GBA2: variants seen among roughly 807,000 people sequenced by gnomAD.
The protein encoded by GBA2 is non-lysosomal glucosylceramidase.
GBA2 carries 79 observed loss-of-function variants against 112.9 expected under a neutral mutation model. The observed-to-expected ratio is 0.70, with a 90% confidence interval of 0.58 to 0.84. The LOEUF is 0.84. Ranked by LOEUF, GBA2 falls within the 40% of genes least tolerant of loss-of-function variation. The pLI is 0.00. For synonymous variants in GBA2, 403 were observed against 434.3 expected, an observed-to-expected ratio of 0.93 and a Z score of 0.90; for missense variants, 1,043 against 1,190.0, an observed-to-expected ratio of 0.88 and a Z score of 1.82.
intron 3 of GBA2, among the ~76,000 whole-genome samples, chr9:35,742,614 T>G (rs1169164227): frequency 6.6e-6 from 1 of 152,216 alleles, no homozygotes; most frequent in Non-Finnish European, 1.5e-5. Context: ...GTAGGGACAT[T>G]TTTTAATTCA....
chr9:35,746,703 A>C lies in GBA2; in HGVS notation c.359+1643T>G, dbSNP rs775250119. On this transcript the variant is annotated intron_variant, in intron 1 of 16. Coordinates refer to ENST00000378103, the MANE Select transcript of GBA2 (RefSeq NM_020944.3). This position sits in a 1 kb window ranked among gnomAD's most constrained non-coding sequence, Gnocchi z 5.2. ...CAGAGAATCCTCTCTGCCAGCTTAGAGAAAACCGGACTTTGAAACTAGAGA... is the reference window on the plus strand; with the variant it reads ...CAGAGAATCCTCTCTGCCAGCTTAGCGAAAACCGGACTTTGAAACTAGAGA... 6.6e-6 allele frequency among the ~76,000 whole-genome samples: 1 copy of C among 152,242 alleles called. No homozygotes were observed. Among genetic ancestry groups the C allele is most frequent in the Non-Finnish European group, 1.5e-5 (1 of 68,040 alleles).
At chr9:35,738,664 G>A (rs747333626) in intron 12 of GBA2, 32 bp from the exon 13 acceptor site, 3 of 1,601,732 alleles carry the variant, frequency 1.9e-6, no homozygotes, top group African/African-American at 2.7e-5. Flanking sequence ...GAAGACCTAG[G>A]TACCGAGGAA....
Position 35,741,173 on chromosome 9 carries a change from T to G in GBA2, c.787-109A>C. The G allele has an allele frequency of 8.5e-7, 1 of 1,178,652 alleles. No individual in the cohort carries two copies. The highest frequency in any genetic ancestry group is 1.4e-5 in the South Asian group (1 of 69,694). The allele number at this position is 1,178,652 out of a possible 1,614,324, so 73.0% of individuals were successfully genotyped here. On this transcript the variant is annotated intron_variant, in intron 4 of 16. Transcript: ENST00000378103. The surrounding 1 kb of genome is among the most constrained non-coding windows in gnomAD (Gnocchi z 4.6). ...AGGACCTGACTCAAATACTCCCCAG[T>G]GTACTCTTCTTTTGTCCACTTGCAT...
rs144576980 is a variant in GBA2, at chr9:35,739,767, G to T, written c.1443C>A (p.Phe481Leu). The T allele has an allele frequency of 2.5e-6, 4 of 1,614,112 alleles. No individual in the cohort carries two copies. Among genetic ancestry groups the T allele is most frequent in the Non-Finnish European group, 3.4e-6 (4 of 1,179,966 alleles). ...CATCAGCCAGGAAGTATAGTTCATTGAACAGCGCAGATTTGTACCAGGCAG... is the reference window on the plus strand; with the variant it reads ...CATCAGCCAGGAAGTATAGTTCATTTAACAGCGCAGATTTGTACCAGGCAG... ...SLPAWYKSALFNELYFLADGG... is the reference protein window; with the variant it reads ...SLPAWYKSALLNELYFLADGG... The change falls in exon 9 of 17, where the codon TTC becomes TTA. Residue 481 changes from phenylalanine to leucine, a missense_variant. Physicochemically the swap from Phe to Leu is conservative, Grantham distance 22. Coordinates refer to ENST00000378103, the MANE Select transcript of GBA2 (RefSeq NM_020944.3).
At position 35,741,923 on chromosome 9, in the gene GBA2, A is replaced by C. The variant is rs1426673750; in HGVS notation, c.568-33T>G. On this transcript the variant is annotated intron_variant, in intron 3 of 16. Transcript: ENST00000378103. This position sits in a 1 kb window ranked among gnomAD's most constrained non-coding sequence, Gnocchi z 4.6. ...GGGCAGATAGGCTGGAACGGGGTAAACCACAGGGACCACAGACTAAGTCTT... is the reference window on the plus strand; with the variant it reads ...GGGCAGATAGGCTGGAACGGGGTAACCCACAGGGACCACAGACTAAGTCTT... 7.3e-7 allele frequency: 1 copy of C among 1,373,074 alleles called. No individual in the cohort carries two copies. The allele number at this position is 1,373,074 out of a possible 1,614,324, so 85.1% of individuals were successfully genotyped here.
Position 35,738,275 on chromosome 9 carries a change from G to C in GBA2, c.2154C>G (p.Ile718Met). 6.2e-7 allele frequency: 1 copy of C among 1,614,136 alleles called. No individual in the cohort carries two copies. The highest frequency in any genetic ancestry group is 8.5e-7 in the Non-Finnish European group (1 of 1,180,026). ...CATAGGCTTCTTGGCCCCGGCTGAG[G>C]ATAGAAGAAAACTTATCCTGGATGT... is the stretch of plus-strand genomic sequence containing the variant. ...AQDIQDKFSSILSRGQEAYER... is the reference protein window; with the variant it reads ...AQDIQDKFSSMLSRGQEAYER... The change falls in exon 14 of 17, where the codon ATC becomes ATG. Residue 718 changes from isoleucine (I) to methionine (M), a missense_variant. Physicochemically the swap from Ile to Met is conservative, Grantham distance 10. Coordinates refer to ENST00000378103, the MANE Select transcript of GBA2 (RefSeq NM_020944.3).
Position 35,749,137 on chromosome 9 carries a change from G to T in GBA2, c.-433C>A. ...CCCCCAGGATTGGGCGCCAGGTCCCGCCGGCCGGCTCCGGGGCAGCGCCCG... is the reference window on the plus strand; with the variant it reads ...CCCCCAGGATTGGGCGCCAGGTCCCTCCGGCCGGCTCCGGGGCAGCGCCCG... On this transcript the variant is annotated 5_prime_UTR_variant, in exon 1 of 17. Coordinates refer to ENST00000378103, the MANE Select transcript of GBA2 (RefSeq NM_020944.3). The surrounding 1 kb of genome is among the most constrained non-coding windows in gnomAD (Gnocchi z 4.4). 3.7e-6 allele frequency: 1 copy of T among 267,334 alleles called. No homozygotes were observed. Among genetic ancestry groups the T allele is most frequent in the African/African-American group, 2.4e-5 (1 of 42,102 alleles). The allele number at this position is 267,334 out of a possible 1,614,324, so 16.6% of individuals were successfully genotyped here.
In GBA2 at chr9:35,737,277, C is replaced by T. The variant is rs1400117507; in HGVS notation, c.2676G>A (p.Gln892=). The stretch of plus-strand genomic sequence containing the variant: ...GCCAGGAGGCCTTTTTGTGCTGCTG[C>T]TGTTGCAGGGCTAGCTGCATGGCCC... ...SIWAMQLALQ[Q]QQHKKASWPK... The change falls in exon 17 of 17, where the codon CAG becomes CAA. Residue 892 remains glutamine (Q), a synonymous_variant. Transcript: ENST00000378103. The surrounding 1 kb of genome is among the most constrained non-coding windows in gnomAD (Gnocchi z 4.1). 6.2e-7 allele frequency: 1 copy of T among 1,614,040 alleles called. No homozygotes were observed. The highest frequency in any genetic ancestry group is 8.5e-7 in the Non-Finnish European group (1 of 1,179,996).
chr9:35,742,008 C>T (rs1588018550), intron 3 of GBA2, 118 bp from the exon 4 acceptor site: 4 of 698,916 alleles, frequency 5.7e-6, no homozygotes, highest in African/African-American at 5.2e-5. Flanking sequence ...ACTGCACCAT[C>T]AGCTTCAAGT....
chr9:35,737,222 T>C lies in GBA2; in HGVS notation c.2731A>G (p.Thr911Ala), dbSNP rs1042641766. ...PKVKQGTGLR[T>A]GPMFGPKEAM... ...TCCTTTGGTCCAAACATAGGCCCTG[T>C]CCTTAGTCCTGTGCCCTGTTTGACT... Residue 911 changes from threonine to alanine, a missense_variant, in exon 17 of 17, where the codon ACA becomes GCA. By Grantham distance (58) the Thr-to-Ala change is moderately conservative. Transcript: ENST00000378103. This position sits in a 1 kb window ranked among gnomAD's most constrained non-coding sequence, Gnocchi z 4.1. The C allele has an allele frequency of 1.2e-6, 2 of 1,612,914 alleles. No individual in the cohort carries two copies. The highest frequency in any genetic ancestry group is 1.7e-6 in the Non-Finnish European group (2 of 1,180,000).
Position 35,740,723 on chromosome 9 carries a change from G to T in GBA2, c.1027-95C>A. 3.2e-6 allele frequency: 5 copies of T among 1,544,950 alleles called. No individual in the cohort carries two copies. The Admixed American group carries it at 8.5e-5, about 26-fold the overall frequency. ...CCTCTTACTTACTCTTAACCTCCCA[G>T]GCCCAGGGGCTTACAGGAGTATGAT... On this transcript the variant is annotated intron_variant, in intron 5 of 16. Coordinates refer to ENST00000378103, the MANE Select transcript of GBA2 (RefSeq NM_020944.3). The surrounding 1 kb of genome is among the most constrained non-coding windows in gnomAD (Gnocchi z 4.7).
chr9:35,740,347 G>C lies in GBA2; in HGVS notation c.1145C>G (p.Thr382Arg), dbSNP rs754394408. 1 of 1,613,112 alleles carries C rather than the reference G, an allele frequency of 6.2e-7. No homozygotes were observed. The highest frequency in any genetic ancestry group is 1.3e-5 in the African/African-American group (1 of 74,912). The change falls in exon 7 of 17, where the codon ACG (threonine) becomes AGG (arginine). Residue 382 changes from threonine to arginine, a missense_variant. Transcript: ENST00000378103. The surrounding 1 kb of genome is among the most constrained non-coding windows in gnomAD (Gnocchi z 4.7). ...TCCAGCAATGCCTACTCCTTTCTGC[G>C]TAGGGGTGCTTTGGCCTGAGAGAAA... Reference protein sequence around the residue: ...LDSPTGQSTPTQKGVGIAGAV... With the variant: ...LDSPTGQSTPRQKGVGIAGAV...
Position 35,737,824 on chromosome 9 carries a change from G to A in GBA2, c.2429C>T (p.Pro810Leu). The change falls in exon 16 of 17, where the codon CCT becomes CTT. Residue 810 changes from proline to leucine, a missense_variant. Physicochemically the swap from Pro to Leu is moderately conservative, Grantham distance 98. Transcript: ENST00000378103. The surrounding 1 kb of genome is among the most constrained non-coding windows in gnomAD (Gnocchi z 4.1). ...AVNGMQPHGV[P>L]DKSSVQSDEV... Reference sequence around the variant, plus strand: ...ATCAGACTGCACACTGGATTTATCAGGGACACCATGGGGCTGCATCCCATT... The same window carrying A: ...ATCAGACTGCACACTGGATTTATCAAGGACACCATGGGGCTGCATCCCATT... The A allele has an allele frequency of 6.2e-7, 1 of 1,613,902 alleles. No individual in the cohort carries two copies. Among genetic ancestry groups the A allele is most frequent in the Non-Finnish European group, 8.5e-7 (1 of 1,179,946 alleles).
chr9:35,744,181 A>G, intron 3 of GBA2, 116 bp downstream of exon 3: 1 of 693,568 alleles, frequency 1.4e-6, no homozygotes. Flanking sequence ...TCCCGAGAGT[A>G]CTTATTAGAT....
At chr9:35,739,461 T>C (rs1189222136) in intron 9 of GBA2, 42 bp from the exon 10 acceptor site, 1 of 1,472,670 alleles carries the variant, frequency 6.8e-7, no homozygotes, top group Non-Finnish European at 9.5e-7. Flanking sequence ...GAATTCCTGC[T>C]TCCCCTTCAA....
In GBA2 at chr9:35,741,233, A is replaced by T. The variant is rs1826655613; in HGVS notation, c.787-169T>A. 1.4e-6 allele frequency: 1 copy of T among 701,716 alleles called. No homozygotes were observed. Among genetic ancestry groups the T allele is most frequent in the Admixed American group, 2.9e-5 (1 of 34,730 alleles). 43.5% of individuals were successfully genotyped at this position (701,716 alleles called of 1,614,324 possible). Reference sequence around the variant, plus strand: ...TTCCCAGGCAAGCTGCCTAGCAGGGAATATAGAAGACCAGAACCAGTTGGG... The same window carrying T: ...TTCCCAGGCAAGCTGCCTAGCAGGGTATATAGAAGACCAGAACCAGTTGGG... On this transcript the variant is annotated intron_variant, in intron 4 of 16. Coordinates refer to ENST00000378103, the MANE Select transcript of GBA2 (RefSeq NM_020944.3). The surrounding 1 kb of genome is among the most constrained non-coding windows in gnomAD (Gnocchi z 4.6).
At position 35,737,064 on chromosome 9, in the gene GBA2, AT is replaced by A; in HGVS notation, c.*104del. 2.0e-6 allele frequency: 3 copies of A among 1,504,782 alleles called. No individual in the cohort carries two copies. Among genetic ancestry groups the A allele is most frequent in the Non-Finnish European group, 2.7e-6 (3 of 1,130,038 alleles). 93.2% of individuals were successfully genotyped at this position (1,504,782 alleles called of 1,614,324 possible). A position where few individuals can be genotyped will look rare whatever the true frequency, so the allele number is the denominator to read the frequency against. On this transcript the variant is annotated 3_prime_UTR_variant, in exon 17 of 17. Transcript: ENST00000378103. The surrounding 1 kb of genome is among the most constrained non-coding windows in gnomAD (Gnocchi z 4.1). ...ATTGGGTGGAGAGAAGGGAAGGGGTATGATTGTCCTGATGGCTCAGGGTTGC... is the reference window on the plus strand; with the variant it reads ...ATTGGGTGGAGAGAAGGGAAGGGGTAGATTGTCCTGATGGCTCAGGGTTGC...
Position 35,748,435 on chromosome 9 carries a change from C to T in GBA2, c.270G>A (p.Leu90=), listed in dbSNP as rs760070638. 4 of 1,614,042 alleles carry T rather than the reference C, an allele frequency of 2.5e-6. No individual in the cohort carries two copies. The highest frequency in any genetic ancestry group is 3.4e-6 in the Non-Finnish European group (4 of 1,180,016). The change falls in exon 1 of 17, where the codon CTG becomes CTA. Residue 90 remains leucine (L), a synonymous_variant. Transcript: ENST00000378103. ...QVPPFGWRIC[L]AHEFTEKRKP... is the part of the protein sequence containing the mutation. ...TCCTCTTCTCTGTAAACTCATGAGC[C>T]AGACAGATGCGCCAGCCAAAGGGAG...
rs970820568 is a variant in GBA2, at chr9:35,741,484, A to G, written c.786+188T>C. On this transcript the variant is annotated intron_variant, in intron 4 of 16. Transcript: ENST00000378103. This position sits in a 1 kb window ranked among gnomAD's most constrained non-coding sequence, Gnocchi z 4.6. ...TAATTTTTTTTTTTGTATTTTTAGT[A>G]GATATGGGGTTTCACGTGTTAGCCA... 3.4e-6 allele frequency: 2 copies of G among 590,992 alleles called. No individual in the cohort carries two copies. The highest frequency in any genetic ancestry group is 2.9e-5 in the East Asian group (1 of 34,844). 36.6% of individuals were successfully genotyped at this position (590,992 alleles called of 1,614,324 possible). A position where few individuals can be genotyped will look rare whatever the true frequency, so the allele number is the denominator to read the frequency against.
Sources: gnomAD v4.1 joint callset for allele counts (sites outside exome capture counted in the v4.1 genomes callset) on GRCh38, gnomAD v4.1.1 for gene constraint, Gnocchi (gnomAD v3.1) non-coding constraint, MANE v1.5 for transcripts, NCBI Gene and HGNC (gene_info 2026-07-23, HGNC 2026-07-21) for gene names.